RBFOX1: variants seen among roughly 807,000 people sequenced by gnomAD.
RBFOX1 encodes the protein RNA binding protein fox-1 homolog 1.
Under a neutral mutation model 57.7 loss-of-function variants are expected in RBFOX1, and 8 were observed. The observed-to-expected ratio is 0.14, with a 90% CI of 0.08 to 0.25. RBFOX1 has a LOEUF of 0.25. Among genes scored for constraint, RBFOX1 ranks in the 10% least tolerant of loss-of-function variants. RBFOX1 has a pLI of 1.00. For missense variants in RBFOX1, 611 were observed against 548.5 expected (o/e 1.11, Z -1.14); for synonymous variants, 326 against 222.4 (o/e 1.47, Z -4.15).
chr16:6,792,698 C>G (rs1020692560), intron 3 of RBFOX1, among the ~76,000 whole-genome samples: 1 of 152,096 alleles, frequency 6.6e-6, no homozygotes, highest in Non-Finnish European at 1.5e-5. Flanking sequence ...ATCTGACATT[C>G]TAAAGAATTC....
At chr16:6,407,056 C>T (rs972707431) in intron 2 of RBFOX1, among the ~76,000 whole-genome samples, 28 of 152,126 alleles carry the variant, frequency 1.8e-4, no homozygotes, top group African/African-American at 5.6e-4. Flanking sequence ...TATTTCACAA[C>T]AACATGGTGT....
At chr16:7,645,989 A>AT (rs1410526376) in intron 11 of RBFOX1, among the ~76,000 whole-genome samples, 2 of 146,240 alleles carry the variant, frequency 1.4e-5, no homozygotes, top group East Asian at 2.0e-4. Flanking sequence ...AAATTACTGG[A>AT]TTTTTTTAAA....
At chr16:7,441,637 T>G (rs1427759524) in intron 4 of RBFOX1, among the ~76,000 whole-genome samples, 5 of 152,240 alleles carry the variant, frequency 3.3e-5, no homozygotes, top group African/African-American at 1.2e-4. Flanking sequence ...AACATTTAGA[T>G]ATGTAAAGAT....
rs996359360 is a variant in RBFOX1, at chr16:6,707,473, T to TTTTTG, written c.-16+52828_-16+52832dup. On this transcript the variant is annotated intron_variant, in intron 3 of 15. Coordinates refer to ENST00000550418, the MANE Select transcript of RBFOX1 (RefSeq NM_018723.4). ...TAGTGAATATTTAGATGGCTTCCCA[T>TTTTTG]TTTTGTTTTTTTTTTTTTTTTGCTG... Among the ~76,000 whole-genome samples the TTTTTG allele has an allele frequency of 1.5e-4, 17 of 114,276 alleles. No homozygotes were observed. In the East Asian group the frequency reaches 4.8e-3, roughly 32 times the overall value. 75.0% of individuals were successfully genotyped at this position (114,276 alleles called of 152,430 possible). A position where few individuals can be genotyped will look rare whatever the true frequency, so the allele number is the denominator to read the frequency against.
chr16:6,155,954 T>C (rs1024830519), intron 1 of RBFOX1, among the ~76,000 whole-genome samples: 4 of 152,320 alleles, frequency 2.6e-5, no homozygotes, highest in Non-Finnish European at 5.9e-5. Context: ...GTGCTTAACC[T>C]GTAGGGTATC....
intron 10 of RBFOX1, among the ~76,000 whole-genome samples, chr16:7,607,998 A>G (rs2056681359): frequency 6.6e-6 from 1 of 152,170 alleles, no homozygotes; most frequent in African/African-American, 2.4e-5. Flanking sequence ...GTAGTGGCTG[A>G]GATTTCATGT....
intron 3 of RBFOX1, among the ~76,000 whole-genome samples, chr16:6,855,971 C>G (rs556281292): frequency 2.6e-5 from 4 of 152,108 alleles, no homozygotes; most frequent in East Asian, 1.9e-4. Flanking sequence ...TACCCAAAGA[C>G]TCCTGCCTAA....
chr16:6,242,775 C>T (rs1012111837), intron 1 of RBFOX1, among the ~76,000 whole-genome samples: 1 of 152,028 alleles, frequency 6.6e-6, no homozygotes, highest in South Asian at 2.1e-4. Context: ...CCAGAAGGCA[C>T]CCAGATAATA....
intron 3 of RBFOX1, among the ~76,000 whole-genome samples, chr16:6,708,339 A>G (rs9941234): frequency 0.31 from 46,720 of 151,938 alleles, 7,981 homozygotes; most frequent in East Asian, 0.69. Context: ...TGTCTTCCCA[A>G]CTACCTTGAG....
chr16:6,465,314 C>G (rs909330434), intron 2 of RBFOX1, among the ~76,000 whole-genome samples: 4 of 152,230 alleles, frequency 2.6e-5, no homozygotes, highest in East Asian at 3.9e-4. Context: ...GGAGGGCACT[C>G]TCCGTGTACC....
At chr16:7,551,216 C>G (rs1288523628) in intron 5 of RBFOX1, among the ~76,000 whole-genome samples, 1 of 152,200 alleles carries the variant, frequency 6.6e-6, no homozygotes. Flanking sequence ...TCAGAAATTG[C>G]CACTAAAGAA....
intron 1 of RBFOX1, among the ~76,000 whole-genome samples, chr16:6,039,668 C>G (rs1480521058): frequency 6.6e-6 from 1 of 152,214 alleles, no homozygotes; most frequent in South Asian, 2.1e-4. Context: ...ACAAACGTTT[C>G]AAATTCTCTC....
chr16:7,027,509 C>A (rs1219163789), intron 3 of RBFOX1, among the ~76,000 whole-genome samples: 1 of 116,626 alleles, frequency 8.6e-6, no homozygotes, highest in Non-Finnish European at 1.8e-5. Context: ...CAAACTCAAG[C>A]AGTCTGGCTT....
intron 2 of RBFOX1, among the ~76,000 whole-genome samples, chr16:6,329,549 T>C (rs1014853714): frequency 3.9e-5 from 6 of 152,154 alleles, no homozygotes; most frequent in African/African-American, 1.4e-4. Flanking sequence ...ACAAAGGCGA[T>C]TGTCTTCATC....
rs11861638 is a variant in RBFOX1, at chr16:6,564,064, C to T, written c.-63-90539C>T. Among the ~76,000 whole-genome samples, 380 of 152,178 alleles carry T rather than the reference C, an allele frequency of 2.5e-3. 1 individual carries two copies. The highest frequency in any genetic ancestry group is 8.5e-3 in the African/African-American group (354 of 41,510). ...TATTTCTAGCCACCCTTCACCTCCACCAACCTTAACCTCACAATCACTTCT... is the reference window on the plus strand; with the variant it reads ...TATTTCTAGCCACCCTTCACCTCCATCAACCTTAACCTCACAATCACTTCT... On this transcript the variant is annotated intron_variant, in intron 2 of 15. Transcript: ENST00000550418.
chr16:6,110,254 T>C (rs1227041442), intron 1 of RBFOX1, among the ~76,000 whole-genome samples: 1 of 151,484 alleles, frequency 6.6e-6, no homozygotes, highest in Non-Finnish European at 1.5e-5. Context: ...GGCTTCTTCT[T>C]TGTAGGTCAT....
chr16:6,517,381 A>G (rs17134963), intron 2 of RBFOX1, among the ~76,000 whole-genome samples: 4,654 of 152,156 alleles, frequency 0.031, 230 homozygotes, highest in African/African-American at 0.1. Context: ...AGGGTCGTCA[A>G]TTAATCTTAG....
intron 3 of RBFOX1, among the ~76,000 whole-genome samples, chr16:6,799,651 G>A (rs74007058): frequency 0.062 from 9,501 of 152,116 alleles, 1,003 homozygotes; most frequent in African/African-American, 0.22. Flanking sequence ...AGTACAGCTC[G>A]TATAAAGCAG....
intron 2 of RBFOX1, among the ~76,000 whole-genome samples, chr16:5,597,314 G>T (rs1468067987): frequency 7.3e-6 from 1 of 136,268 alleles, no homozygotes; most frequent in East Asian, 2.1e-4. Flanking sequence ...TCTCTTTTGA[G>T]ACAGGGTCTT....
Sources: gnomAD v4.1 joint callset for allele counts (sites outside exome capture counted in the v4.1 genomes callset) on GRCh38, gnomAD v4.1.1 for gene constraint, MANE v1.5 for transcripts, NCBI Gene and HGNC (gene_info 2026-07-23, HGNC 2026-07-21) for gene names.